Variants in AUTS2 observed in about 807,000 individuals in gnomAD.
The protein encoded by AUTS2 is activator of transcription and developmental regulator AUTS2.
In AUTS2, 17 loss-of-function variants were observed where a neutral mutation model predicts 112.4. That is an observed-to-expected ratio of 0.15 (90% CI 0.10 to 0.23). The LOEUF is 0.23. Among genes scored for constraint, AUTS2 ranks in the 10% least tolerant of loss-of-function variants. AUTS2 has a pLI of 1.00. For missense variants in AUTS2, 1,510 were observed against 1,701.6 expected (o/e 0.89, Z 1.98); for synonymous variants, 751 against 702.7 (o/e 1.07, Z -1.09).
At chr7:69,755,473 C>T (rs1271639200) in intron 1 of AUTS2, among the ~76,000 whole-genome samples, 2 of 151,948 alleles carry the variant, frequency 1.3e-5, no homozygotes, top group South Asian at 2.1e-4. Context: ...GTTTCCTTTG[C>T]CATAATAATT....
intron 5 of AUTS2, among the ~76,000 whole-genome samples, chr7:70,519,421 G>A (rs926192257): frequency 5.9e-5 from 9 of 152,262 alleles, no homozygotes; most frequent in Admixed American, 3.3e-4. Context: ...AATAGTGAGC[G>A]TTGCCACATC....
At chr7:70,512,891 G>T (rs556122518) in intron 5 of AUTS2, among the ~76,000 whole-genome samples, 121 of 151,810 alleles carry the variant, frequency 8.0e-4, no homozygotes, top group African/African-American at 1.3e-3. Flanking sequence ...AGTGAAGTGT[G>T]GGGGGGCAGT....
At chr7:69,809,743 C>T (rs1052347825) in intron 1 of AUTS2, among the ~76,000 whole-genome samples, 1 of 152,182 alleles carries the variant, frequency 6.6e-6, no homozygotes, top group African/African-American at 2.4e-5. Flanking sequence ...TGTGACGGAG[C>T]TGACATGCCC....
At chr7:70,493,106 C>T (rs992649871) in intron 5 of AUTS2, among the ~76,000 whole-genome samples, 2 of 152,160 alleles carry the variant, frequency 1.3e-5, no homozygotes, top group African/African-American at 4.8e-5. Context: ...CACACCTCTT[C>T]ATTTTCTAAA....
At chr7:69,802,755 A>C (rs1790140494) in intron 1 of AUTS2, among the ~76,000 whole-genome samples, 1 of 152,250 alleles carries the variant, frequency 6.6e-6, no homozygotes, top group Admixed American at 6.5e-5. Flanking sequence ...TTACCCATCT[A>C]TGCTTTGGGT....
In AUTS2 at chr7:70,621,472, G is replaced by A. The variant is rs74770826; in HGVS notation, c.691-77097G>A. On this transcript the variant is annotated intron_variant, in intron 5 of 18. Coordinates refer to ENST00000342771, the MANE Select transcript of AUTS2 (RefSeq NM_015570.4). Reference sequence around the variant, plus strand: ...TTCCAAATTATTTCCAGCAACTTTCGCCTCATGTGTAGGTTTCTCTGGATT... The same window carrying A: ...TTCCAAATTATTTCCAGCAACTTTCACCTCATGTGTAGGTTTCTCTGGATT... 3.3e-3 allele frequency among the ~76,000 whole-genome samples: 502 copies of A among 152,190 alleles called. 10 individuals carry two copies. In the East Asian group the frequency reaches 0.049, roughly 15 times the overall value.
At chr7:69,734,643 G>GA (rs1786948754) in intron 1 of AUTS2, among the ~76,000 whole-genome samples, 1 of 74,450 alleles carries the variant, frequency 1.3e-5, no homozygotes, top group Non-Finnish European at 2.9e-5. Context: ...TTTGCTTGTT[G>GA]GGTTTTTTTT....
chr7:69,644,944 C>T (rs1049007539), intron 1 of AUTS2, among the ~76,000 whole-genome samples: 1 of 152,052 alleles, frequency 6.6e-6, no homozygotes. Flanking sequence ...GGGTCTTGCT[C>T]TGTGCCCAGA....
At chr7:70,525,908 T>C (rs917828980) in intron 5 of AUTS2, among the ~76,000 whole-genome samples, 3 of 152,206 alleles carry the variant, frequency 2.0e-5, no homozygotes, top group Non-Finnish European at 4.4e-5. Flanking sequence ...CAGGGGGCCC[T>C]GGCCGCTGCT....
intron 1 of AUTS2, among the ~76,000 whole-genome samples, chr7:69,758,924 G>A (rs1183533813): frequency 1.3e-5 from 2 of 152,150 alleles, no homozygotes; most frequent in South Asian, 2.1e-4. Context: ...CATGCCTAAT[G>A]CCTGGAGCTA....
At chr7:70,664,959 G>T (rs1375830511) in intron 5 of AUTS2, among the ~76,000 whole-genome samples, 4 of 152,104 alleles carry the variant, frequency 2.6e-5, no homozygotes, top group African/African-American at 9.7e-5. Flanking sequence ...TGTAGTCCTA[G>T]CTACTCAGGA....
chr7:70,549,866 A>G (rs1800946970), intron 5 of AUTS2, among the ~76,000 whole-genome samples: 1 of 152,218 alleles, frequency 6.6e-6, no homozygotes, highest in Non-Finnish European at 1.5e-5. Context: ...TCATTTATGT[A>G]ACCCACTGGA....
chr7:70,151,438 C>T (rs1807434425), intron 4 of AUTS2, among the ~76,000 whole-genome samples: 1 of 152,078 alleles, frequency 6.6e-6, no homozygotes, highest in African/African-American at 2.4e-5. Flanking sequence ...AATAATCAGT[C>T]ATTGACTGAG....
chr7:69,881,278 C>CT (rs1015349463), intron 1 of AUTS2, among the ~76,000 whole-genome samples: 6 of 152,108 alleles, frequency 3.9e-5, no homozygotes, highest in Non-Finnish European at 8.8e-5. Context: ...TTTTCCTCTC[C>CT]TTTTTCCCCG....
At chr7:70,140,498 G>C (rs1376705487) in intron 4 of AUTS2, among the ~76,000 whole-genome samples, 1 of 152,118 alleles carries the variant, frequency 6.6e-6, no homozygotes, top group Non-Finnish European at 1.5e-5. Flanking sequence ...ACATCAACTT[G>C]GTGCTGACGG....
At chr7:70,418,854 G>T (rs1236656752) in intron 4 of AUTS2, among the ~76,000 whole-genome samples, 3 of 148,254 alleles carry the variant, frequency 2.0e-5, no homozygotes, top group South Asian at 2.1e-4. Flanking sequence ...TTTTTCCAGT[G>T]TTTTTTTTTT....
chr7:70,530,466 A>G (rs1372134269), intron 5 of AUTS2, among the ~76,000 whole-genome samples: 1 of 152,086 alleles, frequency 6.6e-6, no homozygotes, highest in African/African-American at 2.4e-5. Context: ...GGTAGTTAGC[A>G]TTTTTAATCA....
intron 5 of AUTS2, among the ~76,000 whole-genome samples, chr7:70,592,975 G>A (rs891192928): frequency 6.6e-5 from 10 of 151,856 alleles, no homozygotes; most frequent in Non-Finnish European, 1.3e-4. Context: ...TCAGTCTCCT[G>A]AGTAGCTGGG....
intron 5 of AUTS2, among the ~76,000 whole-genome samples, chr7:70,591,174 C>T (rs1802926186): frequency 1.3e-5 from 2 of 150,904 alleles, no homozygotes; most frequent in South Asian, 4.2e-4. Flanking sequence ...CCTGCCCCCA[C>T]CCCAGATGGG....
Sources: allele counts gnomAD v4.1 joint callset (sites outside exome capture counted in the v4.1 genomes callset), GRCh38; gene constraint gnomAD v4.1.1; transcripts MANE v1.5; gene names NCBI Gene and HGNC (gene_info 2026-07-23, HGNC 2026-07-21).